SPTA1: variants seen among roughly 807,000 people sequenced by gnomAD.
The protein encoded by SPTA1 is spectrin alpha chain, erythrocytic 1.
Under a neutral mutation model 324.7 loss-of-function variants are expected in SPTA1, and 177 were observed. The observed-to-expected ratio is 0.55, with a 90% CI of 0.48 to 0.62. The LOEUF is 0.62. Ranked by LOEUF, SPTA1 falls within the 20% of genes least tolerant of loss-of-function variation. The pLI, the probability that SPTA1 is intolerant of heterozygous loss-of-function variation, is 0.00. For missense variants in SPTA1, 3,162 were observed against 2,883.6 expected, an observed-to-expected ratio of 1.10 and a Z score of -2.21; for synonymous variants, 1,195 against 1,041.3, an observed-to-expected ratio of 1.15 and a Z score of -2.84.
Position 158,665,523 on chromosome 1 carries a change from G to A in SPTA1, c.2220+793C>T, listed in dbSNP as rs1245320888. On this transcript the variant is annotated intron_variant, in intron 16 of 51. Transcript: ENST00000643759. ...CCTGGGATGAGAAATTGAATGGGCT[G>A]GAAGTGGATTTCCATTGAAATCTCC... Among the ~76,000 whole-genome samples the A allele has an allele frequency of 3.3e-5, 5 of 152,128 alleles. No homozygotes were observed. The East Asian group carries it at 9.6e-4, about 29-fold the overall frequency.
At chr1:158,661,445 C>A in intron 17 of SPTA1, 36 bp from the exon 18 acceptor site, 1 of 1,613,322 alleles carries the variant, frequency 6.2e-7, no homozygotes, top group Non-Finnish European at 8.5e-7. Context: ...TTCGGATTAT[C>A]CTGGTGTATG....
At chr1:158,630,717 G>A (rs1650616398) in intron 39 of SPTA1, among the ~76,000 whole-genome samples, 1 of 151,408 alleles carries the variant, frequency 6.6e-6, no homozygotes, top group Non-Finnish European at 1.5e-5. Context: ...CTGAATGAGA[G>A]TTAATACTTA....
Position 158,678,520 on chromosome 1 carries a change from G to T in SPTA1, c.693C>A (p.Asp231Glu). The T allele has an allele frequency of 6.2e-7, 1 of 1,613,494 alleles. No individual in the cohort carries two copies. The highest frequency in any genetic ancestry group is 1.1e-5 in the South Asian group (1 of 91,076). ...TTTGCTTAGACTGAATTAAGGGTAG[G>T]TCAGGATGGTTTTCCTGTTGAAGGA... ...ANECAEENHP[D>E]LPLIQSKQNE... Residue 231 changes from aspartate (D) to glutamate (E), a missense_variant, in exon 6 of 52, where the codon GAC becomes GAA. Coordinates refer to ENST00000643759, the MANE Select transcript of SPTA1 (RefSeq NM_003126.4).
intron 20 of SPTA1, among the ~76,000 whole-genome samples, chr1:158,655,253 G>C (rs886731244): frequency 7.2e-5 from 11 of 152,088 alleles, no homozygotes; most frequent in African/African-American, 2.4e-4. Flanking sequence ...AATAGCACAG[G>C]AAAGGCCACA....
At chr1:158,642,095 T>A (rs1180389888) in intron 33 of SPTA1, among the ~76,000 whole-genome samples, 1 of 151,302 alleles carries the variant, frequency 6.6e-6, no homozygotes, top group Non-Finnish European at 1.5e-5. Flanking sequence ...CACTCATAGG[T>A]GGGAACTGAA....
chr1:158,669,358 A>G (rs754200288), intron 14 of SPTA1, 50 bp downstream of exon 14: 13 of 1,612,554 alleles, frequency 8.1e-6, no homozygotes, highest in African/African-American at 1.3e-5. Flanking sequence ...TGTACTTCCA[A>G]TGAAAGGAAC....
intron 39 of SPTA1, 23 bp downstream of exon 39, chr1:158,634,520 G>T: frequency 1.2e-6 from 2 of 1,613,184 alleles, no homozygotes; most frequent in South Asian, 2.2e-5. Context: ...GAAGAAAATT[G>T]ATTCATTCTT....
At chr1:158,621,989 T>C (rs935368040) in intron 43 of SPTA1, among the ~76,000 whole-genome samples, 1 of 152,152 alleles carries the variant, frequency 6.6e-6, no homozygotes, top group African/African-American at 2.4e-5. Context: ...CTCAGCCTCC[T>C]GAGTAGCTGG....
chr1:158,613,771 A>G lies in SPTA1; in HGVS notation c.6939T>C (p.Asp2313=), dbSNP rs1227418065. Residue 2313 remains aspartate, a synonymous_variant, in exon 50 of 52, where the codon GAT becomes GAC. Coordinates refer to ENST00000643759, the MANE Select transcript of SPTA1 (RefSeq NM_003126.4). ...ACTTCTCAAACTTGGGCTCATGTTC[A>G]TCCTCCTCCACCATGGGCAAGTAGT... The part of the protein sequence containing the change: ...LNYYLPMVEE[D]EHEPKFEKFL... 1.9e-6 allele frequency: 3 copies of G among 1,613,874 alleles called. No homozygotes were observed. In the East Asian group the frequency reaches 6.7e-5, roughly 36 times the overall value.
At chr1:158,631,178 A>G (rs1287488851) in intron 39 of SPTA1, among the ~76,000 whole-genome samples, 2 of 152,240 alleles carry the variant, frequency 1.3e-5, no homozygotes, top group Non-Finnish European at 2.9e-5. Flanking sequence ...TTATAGCAGT[A>G]CAATTTGCAA....
At chr1:158,631,019 G>A (rs1477103885) in intron 39 of SPTA1, among the ~76,000 whole-genome samples, 8 of 152,104 alleles carry the variant, frequency 5.3e-5, no homozygotes, top group Non-Finnish European at 2.9e-5. Context: ...CTCTTACACT[G>A]CTGGTGAAAA....
chr1:158,650,025 A>G, intron 24 of SPTA1, 78 bp from the exon 25 acceptor site: 1 of 965,474 alleles, frequency 1.0e-6, no homozygotes, highest in South Asian at 1.4e-5. Flanking sequence ...ACCAGACAAG[A>G]TTTAAAACAT....
chr1:158,668,242 A>C (rs1653757082), intron 14 of SPTA1, among the ~76,000 whole-genome samples, 180 bp from the exon 15 acceptor site: 1 of 152,186 alleles, frequency 6.6e-6, no homozygotes, highest in Non-Finnish European at 1.5e-5. Flanking sequence ...CTCTTTCTAC[A>C]TGTGGCAGAC....
At chr1:158,634,907 T>C (rs960780844) in intron 38 of SPTA1, among the ~76,000 whole-genome samples, 1 of 152,098 alleles carries the variant, frequency 6.6e-6, no homozygotes, top group Non-Finnish European at 1.5e-5. Flanking sequence ...CCATCTACTG[T>C]CTTAAGAAAC....
In SPTA1 at chr1:158,648,638, C is replaced by G. The variant is rs755030250; in HGVS notation, c.3585G>C (p.Thr1195=). Reference sequence around the variant, plus strand: ...GGCATTTCTTCTCAATCTGCTCCTTCGTGTCATCTGCTTCTCTGGTATACA... The same window carrying G: ...GGCATTTCTTCTCAATCTGCTCCTTGGTGTCATCTGCTTCTCTGGTATACA... ...VEVFHREADD[T]KEQIEKKCQA... The change falls in exon 26 of 52, where the codon ACG becomes ACC. Residue 1195 remains threonine (T), a synonymous_variant. Coordinates refer to ENST00000643759, the MANE Select transcript of SPTA1 (RefSeq NM_003126.4). 5 of 1,613,668 alleles carry G rather than the reference C, an allele frequency of 3.1e-6. No individual in the cohort carries two copies. Among genetic ancestry groups the G allele is most frequent in the Non-Finnish European group, 4.2e-6 (5 of 1,179,914 alleles).
Position 158,634,003 on chromosome 1 carries a change from G to A in SPTA1, c.5565+540C>T, listed in dbSNP as rs146272075. 2.4e-4 allele frequency among the ~76,000 whole-genome samples: 36 copies of A among 152,180 alleles called. No individual in the cohort carries two copies. In the South Asian group the frequency reaches 3.9e-3, roughly 17 times the overall value. On this transcript the variant is annotated intron_variant, in intron 39 of 51. Coordinates refer to ENST00000643759, the MANE Select transcript of SPTA1 (RefSeq NM_003126.4). ...TGTTTTGTAATCACTCTCAAAAGCC[G>A]TCAAAATTTACATTAACTCAAGATC...
At chr1:158,639,472 A>G (rs915620142) in intron 35 of SPTA1, 110 bp downstream of exon 35, 1 of 1,139,914 alleles carries the variant, frequency 8.8e-7, no homozygotes, top group Non-Finnish European at 1.3e-6. Context: ...TGAGAACACT[A>G]AGAACAATTT....
intron 18 of SPTA1, 137 bp from the exon 19 acceptor site, chr1:158,657,831 G>T: frequency 1.2e-6 from 1 of 864,614 alleles, no homozygotes; most frequent in Non-Finnish European, 1.8e-6. Flanking sequence ...TTTTTCTTGA[G>T]TTACCTGGGA....
intron 35 of SPTA1, 126 bp downstream of exon 35, chr1:158,639,456 G>T (rs1164001573): frequency 6.5e-6 from 6 of 922,476 alleles, no homozygotes; most frequent in Non-Finnish European, 1.1e-5. Flanking sequence ...TAAAATGACT[G>T]CTGGTTGAGA....
Sources: allele counts gnomAD v4.1 joint callset (sites outside exome capture counted in the v4.1 genomes callset), GRCh38; gene constraint gnomAD v4.1.1; transcripts MANE v1.5; gene names NCBI Gene and HGNC (gene_info 2026-07-23, HGNC 2026-07-21).